Variants in MTAP observed in about 807,000 individuals in gnomAD.
MTAP encodes methylthioadenosine phosphorylase, also known as S-methyl-5'-thioadenosine phosphorylase.
Under a neutral mutation model 33.6 loss-of-function variants are expected in MTAP, and 33 were observed. That is an observed-to-expected ratio of 0.98 (90% CI 0.74 to 1.31). The LOEUF (loss-of-function observed/expected upper bound fraction) is 1.31. Among genes scored for constraint, MTAP ranks in the 40% most tolerant of loss-of-function variants. The pLI, the probability that MTAP is intolerant of heterozygous loss-of-function variation, is 0.00. For missense variants in MTAP, 367 were observed against 360.0 expected (o/e 1.02, Z -0.16); for synonymous variants, 148 against 125.7 (o/e 1.18, Z -1.19).
chr9:21,937,728 A>G (rs1819063938), downstream of MTAP: 1 of 152,174 alleles, frequency 6.6e-6, no homozygotes, highest in African/African-American at 2.4e-5. Flanking sequence ...AACATTTGAT[A>G]TTTTTGCCAG....
intron 4 of MTAP, among the ~76,000 whole-genome samples, chr9:21,828,267 A>C (rs773102923): frequency 6.6e-6 from 1 of 152,188 alleles, no homozygotes; most frequent in Non-Finnish European, 1.5e-5. Context: ...GGGATCTTGC[A>C]TGTGTTAACC....
At chr9:21,894,317 G>A (rs1387502325) in intron 1 of MTAP, among the ~76,000 whole-genome samples, 1 of 151,606 alleles carries the variant, frequency 6.6e-6, no homozygotes, top group African/African-American at 2.4e-5. Flanking sequence ...GGCAAAAGCT[G>A]GAAGCATTCC....
chr9:21,901,291 A>G (rs1008617967), intron 1 of MTAP, among the ~76,000 whole-genome samples: 2 of 152,236 alleles, frequency 1.3e-5, no homozygotes, highest in African/African-American at 4.8e-5. Flanking sequence ...GTTCTCCTTA[A>G]TATAAACTAT....
chr9:21,826,567 T>C (rs1001700182), intron 4 of MTAP, among the ~76,000 whole-genome samples: 1 of 151,418 alleles, frequency 6.6e-6, no homozygotes, highest in African/African-American at 2.4e-5. Flanking sequence ...AGTTGTCCCT[T>C]CATAATGCGA....
chr9:21,859,707 T>C (rs1451310772), intron 7 of MTAP: 1 of 240,544 alleles, frequency 4.2e-6, no homozygotes, highest in African/African-American at 2.2e-5. Flanking sequence ...CCCTAAGTCT[T>C]ACTTCAGAAG....
intron 1 of MTAP, among the ~76,000 whole-genome samples, chr9:21,809,925 C>G (rs1007482279): frequency 1.3e-5 from 2 of 152,180 alleles, no homozygotes; most frequent in African/African-American, 4.8e-5. Context: ...AAATATCTGG[C>G]CATTTCAGCA....
chr9:21,923,445 G>A (rs924573655), intron 1 of MTAP, among the ~76,000 whole-genome samples: 5 of 152,096 alleles, frequency 3.3e-5, no homozygotes, highest in African/African-American at 7.2e-5. Flanking sequence ...CCCAAGCTCC[G>A]AGTTCTCCAA....
At chr9:21,893,000 TAAAC>T (rs1219177000) in intron 1 of MTAP, 3 of 152,280 alleles carry the variant, frequency 2.0e-5, no homozygotes, top group South Asian at 2.1e-4. Context: ...ACATGGAAAT[TAAAC>T]AACCTTCTCC....
chr9:21,863,170 T>C lies in MTAP; in HGVS notation c.*1156T>C, dbSNP rs1319188912. The C allele has an allele frequency of 1.1e-5, 11 of 958,380 alleles. No individual in the cohort carries two copies. Among genetic ancestry groups the C allele is most frequent in the Non-Finnish European group, 1.2e-5 (10 of 805,468 alleles). The allele number at this position is 958,380 out of a possible 1,614,324, so 59.4% of individuals were successfully genotyped here. On this transcript the variant is annotated 3_prime_UTR_variant, in exon 8 of 8. Transcript: ENST00000644715. The stretch of plus-strand genomic sequence containing the variant: ...AACTATTTAAAAGACTAAATGCACA[T>C]TTTATGGTATCTGATATTTTAAAAA...
chr9:21,848,163 G>T (rs539236042), intron 5 of MTAP, among the ~76,000 whole-genome samples: 23 of 152,292 alleles, frequency 1.5e-4, no homozygotes, highest in African/African-American at 5.1e-4. Flanking sequence ...CAGTTGCCAG[G>T]CAAGATAATG....
At chr9:21,908,681 C>G (rs542418432) in intron 1 of MTAP, among the ~76,000 whole-genome samples, 1 of 152,064 alleles carries the variant, frequency 6.6e-6, no homozygotes, top group East Asian at 1.9e-4. Flanking sequence ...TATTTGTTTT[C>G]TCTAGTTTTT....
At chr9:21,833,433 C>G (rs556640189) in intron 4 of MTAP, among the ~76,000 whole-genome samples, 24 of 152,186 alleles carry the variant, frequency 1.6e-4, no homozygotes, top group Non-Finnish European at 3.4e-4. Context: ...GTTCCACCCA[C>G]CTTGGCCTCC....
chr9:21,811,620 G>A, intron 1 of MTAP: 1 of 502,122 alleles, frequency 2.0e-6, no homozygotes, highest in South Asian at 1.5e-5. Flanking sequence ...GAAGGCTCTA[G>A]GCCACCTACC....
At chr9:21,870,598 C>T (rs1825921269), downstream of MTAP, among the ~76,000 whole-genome samples, 1 of 151,820 alleles carries the variant, frequency 6.6e-6, no homozygotes, top group Non-Finnish European at 1.5e-5. Context: ...CTAGGAGCCA[C>T]ATTTACAAAG....
chr9:21,817,179 T>C (rs559190080), intron 3 of MTAP, among the ~76,000 whole-genome samples: 1 of 152,348 alleles, frequency 6.6e-6, no homozygotes, highest in South Asian at 2.1e-4. Flanking sequence ...GTGTCTGTGC[T>C]GTTGTTTCCT....
chr9:21,857,083 G>T (rs1465106161), intron 6 of MTAP, among the ~76,000 whole-genome samples: 2 of 152,114 alleles, frequency 1.3e-5, no homozygotes, highest in Non-Finnish European at 1.5e-5. Context: ...CTGAGAGGTG[G>T]GTAGTATCAG....
At chr9:21,816,822 T>C in intron 3 of MTAP, 50 bp downstream of exon 3, 2 of 1,496,424 alleles carry the variant, frequency 1.3e-6, no homozygotes, top group Non-Finnish European at 1.8e-6. Flanking sequence ...ATAATTTAAA[T>C]TTAACTTAAA....
At chr9:21,814,163 A>G (rs1166570126) in intron 1 of MTAP, among the ~76,000 whole-genome samples, 4 of 151,890 alleles carry the variant, frequency 2.6e-5, no homozygotes, top group Non-Finnish European at 5.9e-5. Context: ...ACCTCACTAA[A>G]TTGTCCTTAT....
chr9:21,806,708 C>T (rs950242764), intron 1 of MTAP, among the ~76,000 whole-genome samples: 2 of 152,080 alleles, frequency 1.3e-5, no homozygotes, highest in Non-Finnish European at 2.9e-5. Context: ...TCTGAGAGGA[C>T]CTCAGGGAGA....
Sources: gnomAD v4.1 joint callset for allele counts (sites outside exome capture counted in the v4.1 genomes callset) on GRCh38, gnomAD v4.1.1 for gene constraint, MANE v1.5 for transcripts, NCBI Gene and HGNC (gene_info 2026-07-23, HGNC 2026-07-21) for gene names.